CDYL: variants seen among roughly 807,000 people sequenced by gnomAD.
CDYL encodes chromodomain Y-like protein.
Under a neutral mutation model 47.3 loss-of-function variants are expected in CDYL, and 8 were observed. That is an observed-to-expected ratio of 0.17 (90% CI 0.10 to 0.31). The LOEUF is 0.31. Ranked by LOEUF, CDYL falls within the 10% of genes least tolerant of loss-of-function variation. The pLI, the probability that CDYL is intolerant of heterozygous loss-of-function variation, is 1.00. For synonymous variants in CDYL, 266 were observed against 265.0 expected (o/e 1.00, Z -0.04); for missense variants, 471 against 701.4 (o/e 0.67, Z 3.71).
chr6:4,781,417 T>C (rs1407567658), intron 1 of CDYL, among the ~76,000 whole-genome samples: 1 of 152,166 alleles, frequency 6.6e-6, no homozygotes, highest in Non-Finnish European at 1.5e-5. Context: ...TCTGAAAAGA[T>C]TGGAATCACC....
chr6:4,836,342 T>G (rs1176184096), intron 1 of CDYL: 1 of 802,722 alleles, frequency 1.2e-6, no homozygotes, highest in Admixed American at 6.2e-5. Flanking sequence ...TACGTGTGCT[T>G]TCAGAATTCC....
chr6:4,785,506 C>G (rs549074611), intron 1 of CDYL, among the ~76,000 whole-genome samples: 1 of 152,100 alleles, frequency 6.6e-6, no homozygotes, highest in Non-Finnish European at 1.5e-5. Context: ...AAAATGTATC[C>G]GTTTTTCACT....
chr6:4,838,570 T>A (rs534005961), intron 1 of CDYL, among the ~76,000 whole-genome samples: 47 of 152,218 alleles, frequency 3.1e-4, no homozygotes, highest in Non-Finnish European at 6.3e-4. Context: ...ATTTGGCTGG[T>A]TCCATGTTTT....
intron 3 of CDYL, among the ~76,000 whole-genome samples, chr6:4,735,072 A>C (rs1171424738): frequency 6.6e-6 from 1 of 152,160 alleles, no homozygotes; most frequent in East Asian, 1.9e-4. Context: ...GGATCAGCTG[A>C]GGTCGGGAGT....
At chr6:4,869,932 A>G (rs1761428117) in intron 1 of CDYL, among the ~76,000 whole-genome samples, 1 of 152,236 alleles carries the variant, frequency 6.6e-6, no homozygotes, top group African/African-American at 2.4e-5. Context: ...GTTTTGCATT[A>G]CTGTCTGGAG....
At position 4,889,770 on chromosome 6, in the gene CDYL, G is replaced by A. The variant is rs1044518125; in HGVS notation, c.25-1943G>A. ...CTCTTTGGCAGTTTATGTAAAGTTT[G>A]CCAACTCCTGGTCTAATGTGTCCAC... On this transcript the variant is annotated intron_variant, in intron 1 of 6. Transcript: ENST00000397588. Among the ~76,000 whole-genome samples the A allele has an allele frequency of 5.3e-5, 8 of 152,258 alleles. No homozygotes were observed. The East Asian group carries it at 1.2e-3, about 22-fold the overall frequency.
intron 1 of CDYL, among the ~76,000 whole-genome samples, chr6:4,872,143 G>A (rs554673155): frequency 1.3e-5 from 2 of 152,240 alleles, no homozygotes; most frequent in East Asian, 1.9e-4. Flanking sequence ...TATTCCTCTG[G>A]TGGAAATACT....
chr6:4,802,233 C>G (rs1759246048), intron 1 of CDYL, among the ~76,000 whole-genome samples: 1 of 144,090 alleles, frequency 6.9e-6, no homozygotes, highest in South Asian at 2.1e-4. Flanking sequence ...ACCTTTAGAT[C>G]ATTGAAAAAA....
intron 1 of CDYL, among the ~76,000 whole-genome samples, chr6:4,851,517 A>G (rs1760825734): frequency 1.3e-5 from 2 of 152,094 alleles, no homozygotes; most frequent in Admixed American, 6.5e-5. Flanking sequence ...GGGTGTAGGA[A>G]GCTGGAGTCT....
chr6:4,928,327 GTTTA>G (rs1757939800), intron 2 of CDYL, among the ~76,000 whole-genome samples: 4 of 152,066 alleles, frequency 2.6e-5, no homozygotes, highest in Admixed American at 6.5e-5. Flanking sequence ...TTTTCTGTTT[GTTTA>G]TTCCATTTTT....
At chr6:4,921,999 A>AG (rs1278972802) in intron 2 of CDYL, among the ~76,000 whole-genome samples, 4 of 152,238 alleles carry the variant, frequency 2.6e-5, no homozygotes, top group Admixed American at 1.3e-4. Context: ...TTTTTCACGT[A>AG]GGTACCGTTC....
chr6:4,810,102 C>T (rs1255602183), intron 1 of CDYL, among the ~76,000 whole-genome samples: 1 of 152,008 alleles, frequency 6.6e-6, no homozygotes, highest in Non-Finnish European at 1.5e-5. Context: ...TGGCTTTTGA[C>T]TTTGATCTTG....
At chr6:4,890,100 C>T (rs1581238453) in intron 1 of CDYL, 10 of 985,234 alleles carry the variant, frequency 1.0e-5, no homozygotes, top group African/African-American at 1.7e-5. Context: ...GTATACTGCC[C>T]GCTTCTGGAG....
intron 1 of CDYL, chr6:4,715,674 T>A: frequency 2.1e-6 from 3 of 1,440,238 alleles, no homozygotes; most frequent in Non-Finnish European, 2.8e-6. Flanking sequence ...AGTCATTAAA[T>A]GCCATGAGCC....
chr6:4,893,899 G>A (rs1014748801), intron 2 of CDYL, among the ~76,000 whole-genome samples: 14 of 152,208 alleles, frequency 9.2e-5, no homozygotes, highest in Non-Finnish European at 2.9e-5. Flanking sequence ...AGGCCCTTGT[G>A]TAGCAAAAAA....
At chr6:4,941,869 A>G (rs1168137855) in intron 4 of CDYL, among the ~76,000 whole-genome samples, 2 of 152,292 alleles carry the variant, frequency 1.3e-5, no homozygotes, top group East Asian at 3.9e-4. Flanking sequence ...CTTCTGTTCC[A>G]TAAGGCAGAT....
At chr6:4,883,119 G>A (rs1362800917) in intron 1 of CDYL, among the ~76,000 whole-genome samples, 3 of 152,178 alleles carry the variant, frequency 2.0e-5, no homozygotes, top group Admixed American at 6.5e-5. Context: ...TATGAGTAGG[G>A]TATCATTGGT....
chr6:4,739,252 T>C (rs967273404), intron 3 of CDYL, among the ~76,000 whole-genome samples: 1 of 151,848 alleles, frequency 6.6e-6, no homozygotes, highest in African/African-American at 2.4e-5. Context: ...GCACAGTGGC[T>C]CACTCCTGTA....
At chr6:4,775,651 G>A (rs1250287966), upstream of CDYL, among the ~76,000 whole-genome samples, 1 of 150,438 alleles carries the variant, frequency 6.6e-6, no homozygotes, top group Non-Finnish European at 1.5e-5. This position sits in a 1 kb window ranked among gnomAD's most constrained non-coding sequence, Gnocchi z 7.0. Flanking sequence ...GCCGCGCCCG[G>A]CTCCCGCCCC....
Sources: gnomAD v4.1 joint callset for allele counts (sites outside exome capture counted in the v4.1 genomes callset) on GRCh38, gnomAD v4.1.1 for gene constraint, Gnocchi (gnomAD v3.1) non-coding constraint, MANE v1.5 for transcripts, NCBI Gene and HGNC (gene_info 2026-07-23, HGNC 2026-07-21) for gene names.